TRIP12: variants seen among roughly 807,000 people sequenced by gnomAD.
The protein encoded by TRIP12 is E3 ubiquitin-protein ligase TRIP12.
TRIP12 carries 25 observed loss-of-function variants against 244.2 expected under a neutral mutation model. The observed-to-expected ratio is 0.10, with a 90% CI of 0.07 to 0.14. The LOEUF (loss-of-function observed/expected upper bound fraction) is 0.14, where lower values mean the gene tolerates loss of function less well. Ranked by LOEUF, TRIP12 falls within the 10% of genes least tolerant of loss-of-function variation. The pLI, the probability that TRIP12 is intolerant of heterozygous loss-of-function variation, is 1.00. For missense variants in TRIP12, 1,677 were observed against 2,486.4 expected (o/e 0.67, Z 6.92); for synonymous variants, 905 against 873.1 (o/e 1.04, Z -0.64).
Position 229,902,932 on chromosome 2 carries a change from G to A in TRIP12, c.-50+18948C>T, listed in dbSNP as rs924408394. Among the ~76,000 whole-genome samples, 3 of 151,266 alleles carry A rather than the reference G, an allele frequency of 2.0e-5. No homozygotes were observed. In the East Asian group the frequency reaches 5.8e-4, roughly 29 times the overall value. On this transcript the variant is annotated intron_variant, in intron 1 of 41. Coordinates refer to ENST00000675903, the MANE Select transcript of TRIP12 (RefSeq NM_001348323.3). ...GTCATTCATATTAGACTGCATATTA[G>A]AAGAATTTAAAAGCCAATGGTCTAA...
chr2:229,802,556 T>A lies in TRIP12; in HGVS notation c.2999-97A>T, dbSNP rs1464263551. On this transcript the variant is annotated intron_variant, in intron 20 of 41. Coordinates refer to ENST00000675903, the MANE Select transcript of TRIP12 (RefSeq NM_001348323.3). ...TCCCTAAATACCAACACTGACATAA[T>A]ACACAAAAAGACTAAAACATAACTG... 5 of 872,352 alleles carry A rather than the reference T, an allele frequency of 5.7e-6. No individual in the cohort carries two copies. The African/African-American group carries it at 8.6e-5, about 15-fold the overall frequency. 54.0% of individuals were successfully genotyped at this position (872,352 alleles called of 1,614,324 possible).
chr2:229,858,546 G>C (rs528629280), intron 4 of TRIP12, among the ~76,000 whole-genome samples: 91 of 152,266 alleles, frequency 6.0e-4, no homozygotes, highest in African/African-American at 2.1e-3. Context: ...ACTAAAATGT[G>C]ATGGTTTCGT....
chr2:229,834,954 C>T (rs913994771), intron 6 of TRIP12, among the ~76,000 whole-genome samples: 1 of 152,110 alleles, frequency 6.6e-6, no homozygotes, highest in African/African-American at 2.4e-5. Context: ...TATACAAGTA[C>T]TATCCGAAAA....
At chr2:229,830,707 C>T (rs1264482904) in intron 7 of TRIP12, 49 bp downstream of exon 7, 1 of 1,495,530 alleles carries the variant, frequency 6.7e-7, no homozygotes, top group Middle Eastern at 1.7e-4. Flanking sequence ...ATGGTATTAA[C>T]AGGTAGCTCA....
At position 229,859,283 on chromosome 2, in the gene TRIP12, T is replaced by A; in HGVS notation, c.516A>T (p.Thr172=). 1 of 1,614,192 alleles carries A rather than the reference T, an allele frequency of 6.2e-7. No homozygotes were observed. The highest frequency in any genetic ancestry group is 8.5e-7 in the Non-Finnish European group (1 of 1,180,018). ...QQLKSAQSPS[T]SKAHTRKSGA... is the part of the protein sequence containing the mutation. Reference sequence around the variant, plus strand: ...CACTCTTCCTGGTATGAGCCTTGCTTGTTGATGGTGATTGTGCAGATTTCA... The same window carrying A: ...CACTCTTCCTGGTATGAGCCTTGCTAGTTGATGGTGATTGTGCAGATTTCA... Residue 172 remains threonine, a synonymous_variant, in exon 4 of 42, where the codon ACA becomes ACT. Transcript: ENST00000675903.
At chr2:229,775,778 C>T (rs1434492054) in intron 37 of TRIP12, among the ~76,000 whole-genome samples, 1 of 151,672 alleles carries the variant, frequency 6.6e-6, no homozygotes, top group African/African-American at 2.4e-5. Context: ...AACTTGCCCC[C>T]ATCTGTATAT....
At chr2:229,850,974 C>G (rs1259894274) in intron 4 of TRIP12, among the ~76,000 whole-genome samples, 1 of 152,230 alleles carries the variant, frequency 6.6e-6, no homozygotes, top group Non-Finnish European at 1.5e-5. Context: ...CTCGGGAGAG[C>G]AGCCCACCAT....
rs998131977 is a variant in TRIP12, at chr2:229,858,170, C to T, written c.1027+602G>A. 3.3e-5 allele frequency among the ~76,000 whole-genome samples: 5 copies of T among 152,122 alleles called. No individual in the cohort carries two copies. The East Asian group carries it at 7.7e-4, about 23-fold the overall frequency. ...CTTGAGGTCAGAAGTTTGAGACCAA[C>T]GTGGCCAACACAGTGAAACCCCATC... On this transcript the variant is annotated intron_variant, in intron 4 of 41. Transcript: ENST00000675903.
chr2:229,817,641 G>T (rs139403859), intron 9 of TRIP12, among the ~76,000 whole-genome samples: 1 of 152,032 alleles, frequency 6.6e-6, no homozygotes, highest in Non-Finnish European at 1.5e-5. Flanking sequence ...GTGCAGTGGC[G>T]CGATCTTGGC....
chr2:229,818,351 A>T lies in TRIP12; in HGVS notation c.1599+13T>A, dbSNP rs748445350. 3.7e-6 allele frequency: 6 copies of T among 1,612,748 alleles called. No homozygotes were observed. Among genetic ancestry groups the T allele is most frequent in the Non-Finnish European group, 4.2e-6 (5 of 1,179,572 alleles). On this transcript the variant is annotated intron_variant, in intron 9 of 41. Coordinates refer to ENST00000675903, the MANE Select transcript of TRIP12 (RefSeq NM_001348323.3). ...CAAATGAGGTAAAAACGAGGGAAAA[A>T]CATTATGCTTACCAAAGCTGGAACA...
chr2:229,778,357 A>G lies in TRIP12; in HGVS notation c.5364+76T>C. ...AAGCATTGCTCTAAACTATAGCAGTAAACTACAGGGGACTGAGGTACTTGC... is the reference window on the plus strand; with the variant it reads ...AAGCATTGCTCTAAACTATAGCAGTGAACTACAGGGGACTGAGGTACTTGC... On this transcript the variant is annotated intron_variant, in intron 36 of 41. Coordinates refer to ENST00000675903, the MANE Select transcript of TRIP12 (RefSeq NM_001348323.3). This position sits in a 1 kb window ranked among gnomAD's most constrained non-coding sequence, Gnocchi z 4.1. The G allele has an allele frequency of 1.3e-6, 2 of 1,547,376 alleles. No individual in the cohort carries two copies. Among genetic ancestry groups the G allele is most frequent in the Non-Finnish European group, 1.8e-6 (2 of 1,133,222 alleles).
chr2:229,888,946 G>T (rs1298313415), intron 1 of TRIP12, among the ~76,000 whole-genome samples: 1 of 152,162 alleles, frequency 6.6e-6, no homozygotes, highest in Non-Finnish European at 1.5e-5. Flanking sequence ...AGGAGAGAAG[G>T]GAAGGCAGAG....
intron 16 of TRIP12, 143 bp downstream of exon 16, chr2:229,808,109 G>T: frequency 1.4e-6 from 1 of 708,826 alleles, no homozygotes; most frequent in South Asian, 1.9e-5. Flanking sequence ...TGGGATTACA[G>T]GCGCCCGCCA....
At chr2:229,899,185 G>A (rs1231111669) in intron 1 of TRIP12, among the ~76,000 whole-genome samples, 1 of 152,088 alleles carries the variant, frequency 6.6e-6, no homozygotes, top group South Asian at 2.1e-4. Context: ...GAACTCCTGA[G>A]CTCAAGCAAT....
chr2:229,793,394 T>C, intron 26 of TRIP12: 1 of 274,480 alleles, frequency 3.6e-6, no homozygotes, highest in Non-Finnish European at 6.9e-6. Flanking sequence ...TTGATCTCTG[T>C]CCCATCATAA....
chr2:229,917,199 T>G (rs905528493), intron 1 of TRIP12, among the ~76,000 whole-genome samples: 2 of 151,472 alleles, frequency 1.3e-5, no homozygotes, highest in African/African-American at 4.8e-5. Flanking sequence ...GCTAACAAGG[T>G]GAAACCCCAT....
At chr2:229,804,785 A>G (rs1259786108) in intron 18 of TRIP12, among the ~76,000 whole-genome samples, 1 of 152,238 alleles carries the variant, frequency 6.6e-6, no homozygotes, top group Non-Finnish European at 1.5e-5. Flanking sequence ...GCAGCCATGT[A>G]CATTTGTTCA....
At chr2:229,889,656 A>G (rs562496615) in intron 1 of TRIP12, among the ~76,000 whole-genome samples, 1 of 152,260 alleles carries the variant, frequency 6.6e-6, no homozygotes, top group African/African-American at 2.4e-5. Flanking sequence ...CTAAAATCGG[A>G]TTCAGTTCCA....
chr2:229,913,851 T>G (rs1016891283), intron 1 of TRIP12, among the ~76,000 whole-genome samples: 2 of 152,160 alleles, frequency 1.3e-5, no homozygotes, highest in African/African-American at 2.4e-5. Context: ...TGTAAACAAC[T>G]AATTATGTAA....
Sources: allele counts gnomAD v4.1 joint callset (sites outside exome capture counted in the v4.1 genomes callset), GRCh38; gene constraint gnomAD v4.1.1; non-coding constraint Gnocchi (gnomAD v3.1); transcripts MANE v1.5; gene names NCBI Gene and HGNC (gene_info 2026-07-23, HGNC 2026-07-21).